The following STAMBP variants were observed in gnomAD, a reference collection of about 807,000 sequenced individuals.
STAMBP encodes the protein STAM-binding protein.
A neutral mutation model predicts 50.7 loss-of-function variants in STAMBP; 31 were observed. The ratio of observed to expected loss-of-function variants is 0.61; its 90% CI spans 0.46 to 0.83. The LOEUF (loss-of-function observed/expected upper bound fraction) is 0.83, where lower values mean the gene tolerates loss of function less well. STAMBP is among the 40% of genes least tolerant of loss of function. The pLI is 0.00. For missense variants in STAMBP, 472 were observed against 518.9 expected (o/e 0.91, Z 0.88); for synonymous variants, 211 against 192.4 (o/e 1.10, Z -0.80).
chr2:73,836,161 AT>A (rs1286233768), intron 2 of STAMBP, among the ~76,000 whole-genome samples: 1 of 152,268 alleles, frequency 6.6e-6, no homozygotes, highest in Non-Finnish European at 1.5e-5. Context: ...GCACTGTGGT[AT>A]GTACACATCT....
At chr2:73,846,625 G>GAA (rs71406838) in intron 4 of STAMBP, among the ~76,000 whole-genome samples, 19 of 139,174 alleles carry the variant, frequency 1.4e-4, no homozygotes, top group Middle Eastern at 3.8e-3. Flanking sequence ...GACTCTCTAA[G>GAA]AAAAAAAAAA....
At chr2:73,848,164 CTT>C in intron 5 of STAMBP, among the ~76,000 whole-genome samples, 1 of 148,298 alleles carries the variant, frequency 6.7e-6, no homozygotes, top group East Asian at 2.0e-4. Context: ...TCCCCTCCCA[CTT>C]TTTTTTTTTA....
chr2:73,860,163 T>C lies in STAMBP; in HGVS notation c.1218+12T>C, dbSNP rs1025424. On this transcript the variant is annotated intron_variant, in intron 9 of 9. Transcript: ENST00000394070. ...CACCTCTGTTCTGTGTACGTATCTATGTAAAAGAAAATGGGGCTATGCTTC... is the reference window on the plus strand; with the variant it reads ...CACCTCTGTTCTGTGTACGTATCTACGTAAAAGAAAATGGGGCTATGCTTC... 0.2 allele frequency: 321,913 copies of C among 1,608,288 alleles called. 34,450 individuals are homozygous for C. The highest frequency in any genetic ancestry group is 0.27 in the African/African-American group (20,421 of 74,716).
chr2:73,843,549 A>T (rs941081028), intron 2 of STAMBP, among the ~76,000 whole-genome samples: 1 of 151,852 alleles, frequency 6.6e-6, no homozygotes, highest in African/African-American at 2.4e-5. Context: ...GATTACAGGC[A>T]TGAGCCACCG....
intron 3 of STAMBP, 70 bp downstream of exon 3, chr2:73,844,958 G>C (rs1401212384): frequency 6.4e-7 from 1 of 1,571,572 alleles, no homozygotes; most frequent in Non-Finnish European, 8.6e-7. Context: ...CAAGATAAAA[G>C]TAGTAGTCTC....
chr2:73,857,607 T>A (rs1677723466), intron 7 of STAMBP, among the ~76,000 whole-genome samples: 1 of 152,194 alleles, frequency 6.6e-6, no homozygotes, highest in South Asian at 2.1e-4. Context: ...GTGGGTTATT[T>A]GGTATGTCAT....
rs3813229 is a variant in STAMBP at position 73,829,437 on chromosome 2, A to G, written c.-86A>G. On this transcript the variant is annotated 5_prime_UTR_variant, in exon 1 of 10. Transcript: ENST00000394070. ...ATCCCCTTTTTGGAATTGCTCAACC[A>G]GGTGGTAACCGGCGCCGCTTCCTGG... 64,263 of 151,994 alleles carry G rather than the reference A, an allele frequency of 0.42. 15,350 individuals are homozygous for G. Among genetic ancestry groups the G allele is most frequent in the African/African-American group, 0.66 (27,472 of 41,394 alleles). 9.4% of individuals were successfully genotyped at this position (151,994 alleles called of 1,614,324 possible).
intron 8 of STAMBP, 97 bp from the exon 9 acceptor site, chr2:73,859,955 C>T: frequency 1.2e-6 from 1 of 807,918 alleles, no homozygotes; most frequent in Non-Finnish European, 2.1e-6. Context: ...CTCTGCCCTG[C>T]TGTGTGAGTG....
At chr2:73,829,824 A>C (rs1673682673) in intron 1 of STAMBP, among the ~76,000 whole-genome samples, 1 of 152,232 alleles carries the variant, frequency 6.6e-6, no homozygotes, top group Non-Finnish European at 1.5e-5. Flanking sequence ...CTGGATAGAT[A>C]AATGAAACTG....
At chr2:73,854,708 C>T (rs1677325980) in intron 7 of STAMBP, among the ~76,000 whole-genome samples, 1 of 152,104 alleles carries the variant, frequency 6.6e-6, no homozygotes, top group Admixed American at 6.6e-5. Flanking sequence ...AACAAACAGG[C>T]TGAGTATGGT....
chr2:73,841,425 C>A (rs1675379711), intron 2 of STAMBP, among the ~76,000 whole-genome samples: 1 of 152,054 alleles, frequency 6.6e-6, no homozygotes, highest in Non-Finnish European at 1.5e-5. Context: ...GTTCTAGATA[C>A]CGTGTTTAGC....
rs572613457 is a variant in STAMBP, at chr2:73,849,200, A to C, written c.743-163A>C. ...GGCCCAAGATTGGAGAAGACACTTT[A>C]CAGCCCTTTTTTTGGTGCCATTAGA... is the stretch of plus-strand genomic sequence containing the variant. On this transcript the variant is annotated intron_variant, in intron 5 of 9. Coordinates refer to ENST00000394070, the MANE Select transcript of STAMBP (RefSeq NM_213622.4). Among the ~76,000 whole-genome samples the C allele has an allele frequency of 3.9e-5, 6 of 152,314 alleles. No homozygotes were observed. In the East Asian group the frequency reaches 9.6e-4, roughly 24 times the overall value.
intron 7 of STAMBP, among the ~76,000 whole-genome samples, chr2:73,858,973 G>GT (rs577583953): frequency 2.5e-4 from 38 of 152,030 alleles, no homozygotes; most frequent in Admixed American, 1.4e-3. Flanking sequence ...TATATGCTAT[G>GT]TTTTTTTCCT....
chr2:73,857,962 A>G (rs565578704), intron 7 of STAMBP, among the ~76,000 whole-genome samples: 1 of 151,672 alleles, frequency 6.6e-6, no homozygotes, highest in African/African-American at 2.4e-5. Context: ...CCAGTTTCCA[A>G]TAATTGTTTA....
chr2:73,845,103 T>C (rs576130306), intron 3 of STAMBP, 64 bp from the exon 4 acceptor site: 1 of 1,596,254 alleles, frequency 6.3e-7, no homozygotes, highest in East Asian at 2.2e-5. Context: ...TTGACTTAAG[T>C]CTTCTTTTGG....
chr2:73,833,310 C>T (rs977931722), intron 2 of STAMBP, among the ~76,000 whole-genome samples: 6 of 152,180 alleles, frequency 3.9e-5, no homozygotes, highest in Admixed American at 3.9e-4. Context: ...TCTTTGGAGG[C>T]AGCTTTAACT....
At position 73,849,494 on chromosome 2, in the gene STAMBP, A is replaced by G. The variant is rs760510818; in HGVS notation, c.867+7A>G. The G allele has an allele frequency of 1.3e-6, 2 of 1,580,264 alleles. No homozygotes were observed. The highest frequency in any genetic ancestry group is 1.7e-6 in the Non-Finnish European group (2 of 1,168,420). On this transcript the variant is annotated splice_region_variant and intron_variant, in intron 6 of 9. Coordinates refer to ENST00000394070, the MANE Select transcript of STAMBP (RefSeq NM_213622.4). ...AATTCTCTGTGGAAAACTGGTAAAAAGAAAAAAAAAACCAAACTCTTCTCT... is the reference window on the plus strand; with the variant it reads ...AATTCTCTGTGGAAAACTGGTAAAAGGAAAAAAAAAACCAAACTCTTCTCT...
rs781694797 is a variant in STAMBP at position 73,831,044 on chromosome 2, A to G, written c.188A>G (p.Tyr63Cys). The G allele has an allele frequency of 2.0e-5, 32 of 1,613,984 alleles. No individual in the cohort carries two copies. Among genetic ancestry groups the G allele is most frequent in the Non-Finnish European group, 2.5e-5 (30 of 1,179,912 alleles). Reference sequence around the variant, plus strand: ...AACATTGAACATGCCTTCATCCTCTATAACAAGTATATCACGTAAGACACC... The same window carrying G: ...AACATTGAACATGCCTTCATCCTCTGTAACAAGTATATCACGTAAGACACC... ...EGNIEHAFIL[Y>C]NKYITLFIEK... The change falls in exon 2 of 10, where the codon TAT becomes TGT. Residue 63 changes from tyrosine (Y) to cysteine (C), a missense_variant. Physicochemically the swap from Tyr to Cys is radical, Grantham distance 194 (BLOSUM62 -2). Transcript: ENST00000394070.
Position 73,862,304 on chromosome 2 carries a change from T to A in STAMBP, c.*45T>A. ...TCCAAGAACAACAAAACCATATCAG[T>A]GTACTGTAGCCCCTTAATTTAAGCT... On this transcript the variant is annotated 3_prime_UTR_variant, in exon 10 of 10. Coordinates refer to ENST00000394070, the MANE Select transcript of STAMBP (RefSeq NM_213622.4). 1 of 1,557,914 alleles carries A rather than the reference T, an allele frequency of 6.4e-7. No homozygotes were observed. Among genetic ancestry groups the A allele is most frequent in the Non-Finnish European group, 8.7e-7 (1 of 1,147,008 alleles).
Sources: gnomAD v4.1 joint callset for allele counts (sites outside exome capture counted in the v4.1 genomes callset) on GRCh38, gnomAD v4.1.1 for gene constraint, MANE v1.5 for transcripts, NCBI Gene and HGNC (gene_info 2026-07-23, HGNC 2026-07-21) for gene names.